Variants in VPS72 observed in about 807,000 individuals in gnomAD.
VPS72 encodes the protein vacuolar protein sorting 72 homolog.
Under a neutral mutation model 38.9 loss-of-function variants are expected in VPS72, and 27 were observed. That is an observed-to-expected ratio of 0.69 (90% CI 0.51 to 0.96). The LOEUF (loss-of-function observed/expected upper bound fraction) is 0.96. VPS72 is among the 40% of genes least tolerant of loss of function. VPS72 has a pLI of 0.00. For synonymous variants in VPS72, 173 were observed against 186.3 expected (o/e 0.93, Z 0.58); for missense variants, 360 against 479.5 (o/e 0.75, Z 2.33).
At chr1:151,178,787 C>T (rs989606168) in intron 4 of VPS72, among the ~76,000 whole-genome samples, 4 of 152,192 alleles carry the variant, frequency 2.6e-5, no homozygotes, top group Non-Finnish European at 5.9e-5. Context: ...GCACTCCTCT[C>T]CAGTTCACCA....
chr1:151,178,862 C>T (rs1367021186), intron 4 of VPS72, among the ~76,000 whole-genome samples: 2 of 152,094 alleles, frequency 1.3e-5, no homozygotes, highest in African/African-American at 2.4e-5. Context: ...TGCTCCATGG[C>T]GATGCACTAT....
At chr1:151,182,254 C>A (rs1359448127) in intron 4 of VPS72, among the ~76,000 whole-genome samples, 1 of 152,068 alleles carries the variant, frequency 6.6e-6, no homozygotes, top group African/African-American at 2.4e-5. Flanking sequence ...GTCTCGAACT[C>A]CTGACCTCAG....
intron 4 of VPS72, among the ~76,000 whole-genome samples, chr1:151,181,899 AAC>A (rs1425332165): frequency 6.6e-6 from 1 of 151,924 alleles, no homozygotes; most frequent in African/African-American, 2.4e-5. Context: ...CACATTTTTA[AAC>A]AGAGACAGGG....
intron 4 of VPS72, among the ~76,000 whole-genome samples, chr1:151,179,252 G>A (rs930858936): frequency 5.9e-5 from 9 of 151,760 alleles, no homozygotes; most frequent in Non-Finnish European, 1.2e-4. Flanking sequence ...ACTCCAACGC[G>A]GGCAATAAGA....
chr1:151,189,970 C>T, intron 1 of VPS72, 35 bp downstream of exon 1: 3 of 1,610,044 alleles, frequency 1.9e-6, no homozygotes, highest in Middle Eastern at 1.7e-4. Flanking sequence ...TCCTCTTTGC[C>T]TCCTCCCCTC....
chr1:151,184,243 G>T, intron 4 of VPS72, 74 bp downstream of exon 4: 1 of 1,542,136 alleles, frequency 6.5e-7, no homozygotes, highest in Non-Finnish European at 8.8e-7. Context: ...CCAGTTCTTT[G>T]GTCCTCCAGG....
intron 4 of VPS72, among the ~76,000 whole-genome samples, chr1:151,178,501 C>T (rs776777222): frequency 2.2e-4 from 33 of 152,176 alleles, no homozygotes; most frequent in Admixed American, 4.6e-4. Context: ...TGCTGGCACA[C>T]GCCTGTAATC....
chr1:151,185,419 C>T, intron 3 of VPS72, 87 bp downstream of exon 3: 9 of 1,363,464 alleles, frequency 6.6e-6, no homozygotes, highest in Non-Finnish European at 9.4e-6. Context: ...AGCCACCGCA[C>T]CCAGCAACAT....
chr1:151,177,191 CCTGA>C (rs1684130312), intron 5 of VPS72, 160 bp from the exon 6 acceptor site: 2 of 690,110 alleles, frequency 2.9e-6, no homozygotes, highest in Non-Finnish European at 4.6e-6. Context: ...TCGAGACCAG[CCTGA>C]CTAACAAGGT....
At position 151,177,044 on chromosome 1, in the gene VPS72, G is replaced by T; in HGVS notation, c.708-13C>A. On this transcript the variant is annotated splice_polypyrimidine_tract_variant and intron_variant, in intron 5 of 5. Transcript: ENST00000368892. ...AGCAGGATCAAGTCTGAGGACAAAA[G>T]ACAAGGAAAAACACAAAGAGCTGAG... is the stretch of plus-strand genomic sequence containing the variant. 6 of 1,531,820 alleles carry T rather than the reference G, an allele frequency of 3.9e-6. No homozygotes were observed. The highest frequency in any genetic ancestry group is 3.5e-6 in the Non-Finnish European group (4 of 1,141,456). 94.9% of individuals were successfully genotyped at this position (1,531,820 alleles called of 1,614,324 possible).
In VPS72 at chr1:151,176,749, A is replaced by G. The variant is rs1684110210; in HGVS notation, c.990T>C (p.His330=). 1.9e-6 allele frequency: 3 copies of G among 1,614,082 alleles called. No homozygotes were observed. Among genetic ancestry groups the G allele is most frequent in the African/African-American group, 1.3e-5 (1 of 74,934 alleles). The change falls in exon 6 of 6, where the codon CAT becomes CAC. Residue 330 remains histidine, a synonymous_variant. Transcript: ENST00000368892. ...GGGCTGAGGCAGTGGGCGGCAGTCCATGGGCAGTAATGTACTTCTTGTAAG... is the reference window on the plus strand; with the variant it reads ...GGGCTGAGGCAGTGGGCGGCAGTCCGTGGGCAGTAATGTACTTCTTGTAAG... ...REAYKKYITA[H]GLPPTASALG... is the part of the protein sequence containing the mutation.
At chr1:151,178,201 T>TC in intron 4 of VPS72, 56 bp from the exon 5 acceptor site, 1 of 1,574,818 alleles carries the variant, frequency 6.3e-7, no homozygotes. Flanking sequence ...TTTTCCCATA[T>TC]CCCAGTACTG....
At chr1:151,182,579 C>G (rs1684263269) in intron 4 of VPS72, among the ~76,000 whole-genome samples, 1 of 152,204 alleles carries the variant, frequency 6.6e-6, no homozygotes, top group Non-Finnish European at 1.5e-5. Flanking sequence ...CATGGCCAAG[C>G]TTGAAAAGTT....
At chr1:151,179,854 G>A (rs370508074) in intron 4 of VPS72, among the ~76,000 whole-genome samples, 1 of 151,958 alleles carries the variant, frequency 6.6e-6, no homozygotes, top group Non-Finnish European at 1.5e-5. Flanking sequence ...TCATACCATC[G>A]CACTGTAGCC....
Position 151,185,521 on chromosome 1 carries a change from C to T in VPS72, c.370G>A (p.Asp124Asn). The T allele has an allele frequency of 6.2e-7, 1 of 1,614,152 alleles. No homozygotes were observed. Among genetic ancestry groups the T allele is most frequent in the Non-Finnish European group, 8.5e-7 (1 of 1,180,018 alleles). The change falls in exon 3 of 6, where the codon GAT becomes AAT. Residue 124 changes from aspartate to asparagine, a missense_variant. This residue lies in a region of VPS72 where 294 missense variants were observed against 356.3 expected (regional missense o/e 0.83). Coordinates refer to ENST00000368892, the MANE Select transcript of VPS72 (RefSeq NM_005997.3). ...CCCTACTCACTGTCAGAGCCGTCAT[C>T]TTGTAGTTCTAATGGCAGTAGTGCC... ...EKALLPLELQ[D>N]DGSDSRKSMR...
intron 3 of VPS72, among the ~76,000 whole-genome samples, 192 bp downstream of exon 3, chr1:151,185,314 C>A (rs1403774933): frequency 6.6e-6 from 1 of 152,000 alleles, no homozygotes; most frequent in Non-Finnish European, 1.5e-5. Flanking sequence ...TTAGTAGAGA[C>A]GGAATTTCAC....
chr1:151,178,206 G>A, intron 4 of VPS72, 61 bp from the exon 5 acceptor site: 1 of 1,561,250 alleles, frequency 6.4e-7, no homozygotes, highest in Non-Finnish European at 8.7e-7. Context: ...CCATATCCCA[G>A]TACTGTCCCA....
rs960811462 is a variant in VPS72 at position 151,176,694 on chromosome 1, G to C, written c.1045C>G (p.Leu349Val). 1.9e-5 allele frequency: 30 copies of C among 1,614,044 alleles called. No individual in the cohort carries two copies. The highest frequency in any genetic ancestry group is 4.0e-5 in the African/African-American group (3 of 74,928). Residue 349 changes from leucine (L) to valine (V), a missense_variant, in exon 6 of 6, where the codon CTC becomes GTC. By Grantham distance (32) the Leu-to-Val change is conservative (BLOSUM62 1). Transcript: ENST00000368892. ...AAGGCTCGGGGCCCAGAGCCAGGGA[G>C]GGGCTCAGGAGGTGGCGGGCCGGGG... ...LGPGPPPPEP[L>V]PGSGPRALRQ...
chr1:151,178,261 C>T (rs1452255164), intron 4 of VPS72, 116 bp from the exon 5 acceptor site: 1 of 1,352,842 alleles, frequency 7.4e-7, no homozygotes, highest in Non-Finnish European at 9.8e-7. Flanking sequence ...CTGCCAACTA[C>T]CAGAGACAAC....
Sources: allele counts gnomAD v4.1 joint callset (sites outside exome capture counted in the v4.1 genomes callset), GRCh38; gene constraint gnomAD v4.1.1; regional missense constraint gnomAD v4.1.1; transcripts MANE v1.5; gene names NCBI Gene and HGNC (gene_info 2026-07-23, HGNC 2026-07-21).